CD48: variants seen among roughly 807,000 people sequenced by gnomAD.
CD48 encodes CD48 antigen.
CD48 carries 20 observed loss-of-function variants against 22.0 expected under a neutral mutation model. That is an observed-to-expected ratio of 0.91 (90% CI 0.64 to 1.32). The LOEUF (loss-of-function observed/expected upper bound fraction) is 1.32, where lower values mean the gene tolerates loss of function less well. Among genes scored for constraint, CD48 ranks in the 40% most tolerant of loss-of-function variants. The pLI is 0.00. For synonymous variants in CD48, 110 were observed against 110.1 expected (o/e 1.00, Z 0.01); for missense variants, 307 against 286.5 (o/e 1.07, Z -0.52).
chr1:160,704,830 A>G (rs9628658), intron 1 of CD48, among the ~76,000 whole-genome samples: 26,719 of 151,898 alleles, frequency 0.18, 2,794 homozygotes, highest in African/African-American at 0.28. Flanking sequence ...TATAAGCCTC[A>G]GGTCATTTTT....
Position 160,684,901 on chromosome 1 carries a change from T to C in CD48, c.371A>G (p.Lys124Arg), listed in dbSNP as rs768318800. 8 of 1,614,164 alleles carry C rather than the reference T, an allele frequency of 5.0e-6. No homozygotes were observed. Among genetic ancestry groups the C allele is most frequent in the Non-Finnish European group, 1.7e-6 (2 of 1,180,034 alleles). Residue 124 changes from lysine to arginine, a missense_variant, in exon 2 of 4, where the codon AAG (lysine) becomes AGG (arginine). Lys to Arg is a conservative substitution (Grantham distance 26). Transcript: ENST00000368046. ...CCCTGACTCACCAAGCACTTGCAGC[T>C]TGATCTTCCATTCTTGCTCATTCCC... ...KTGNEQEWKIKLQVLDPVPKP... is the reference protein window; with the variant it reads ...KTGNEQEWKIRLQVLDPVPKP...
At chr1:160,697,273 T>C (rs939687308) in intron 1 of CD48, among the ~76,000 whole-genome samples, 7 of 152,412 alleles carry the variant, frequency 4.6e-5, no homozygotes, top group Non-Finnish European at 8.8e-5. Flanking sequence ...CCACTAGACA[T>C]TTGAAGTTCT....
At chr1:160,687,513 T>A (rs1027207820) in intron 1 of CD48, among the ~76,000 whole-genome samples, 3 of 152,224 alleles carry the variant, frequency 2.0e-5, no homozygotes, top group African/African-American at 7.2e-5. Flanking sequence ...TAAGAAATTA[T>A]GAAAGTATTA....
chr1:160,703,087 AC>A (rs779213589), intron 1 of CD48, among the ~76,000 whole-genome samples: 14 of 152,264 alleles, frequency 9.2e-5, no homozygotes, highest in Admixed American at 2.6e-4. Context: ...TCAAAGTTTA[AC>A]TGGGCATAAG....
At chr1:160,681,171 G>GCC (rs112983858) in intron 3 of CD48, 31 bp downstream of exon 3, 4 of 1,613,976 alleles carry the variant, frequency 2.5e-6, no homozygotes, top group Non-Finnish European at 3.4e-6. Flanking sequence ...GTTACCCTGT[G>GCC]CCCCCCTCAG....
At chr1:160,701,464 T>C (rs1205374071) in intron 1 of CD48, among the ~76,000 whole-genome samples, 5 of 151,904 alleles carry the variant, frequency 3.3e-5, no homozygotes, top group Admixed American at 1.3e-4. Context: ...TAGGTTTCCA[T>C]TGTAAGGGAA....
intron 2 of CD48, among the ~76,000 whole-genome samples, chr1:160,681,794 C>T (rs17312859): frequency 0.018 from 2,707 of 152,290 alleles, 34 homozygotes; most frequent in South Asian, 0.044. Context: ...TGGGGTCAGA[C>T]TTAGTATATC....
At chr1:160,690,633 C>G (rs996127231) in intron 1 of CD48, among the ~76,000 whole-genome samples, 1 of 152,106 alleles carries the variant, frequency 6.6e-6, no homozygotes, top group Non-Finnish European at 1.5e-5. Context: ...GGTATGAGAC[C>G]TAATATGTGT....
In CD48 at chr1:160,685,102, GT is replaced by G; in HGVS notation, c.169del (p.Thr57ProfsTer11). 1 of 1,614,044 alleles carries G rather than the reference GT, an allele frequency of 6.2e-7. No individual in the cohort carries two copies. ...ESLPENYKQLTWFYTFDQKIV... is the reference protein window; with the variant it reads ...ESLPENYKQLXWFYTFDQKIV... The stretch of plus-strand genomic sequence containing the variant: ...CTTCTGGTCGAAAGTATAAAACCAG[GT>G]TAGTTGTTTGTAGTTCTCAGGCAGG... On this transcript the variant is annotated frameshift_variant, in exon 2 of 4. Coordinates refer to ENST00000368046, the MANE Select transcript of CD48 (RefSeq NM_001778.4). LOFTEE classifies it high-confidence loss of function.
chr1:160,689,190 C>T (rs1662103026), intron 1 of CD48, among the ~76,000 whole-genome samples: 1 of 152,128 alleles, frequency 6.6e-6, no homozygotes, highest in African/African-American at 2.4e-5. Context: ...CAACCAGGTG[C>T]ATGTCCGAGG....
In CD48 at chr1:160,691,639, C is replaced by T. The variant is rs541482030; in HGVS notation, c.83-6450G>A. The T allele has an allele frequency of 9.5e-5, 18 of 189,768 alleles. No individual in the cohort carries two copies. The South Asian group carries it at 1.8e-3, about 19-fold the overall frequency. The allele number at this position is 189,768 out of a possible 1,614,324, so 11.8% of individuals were successfully genotyped here. A position where few individuals can be genotyped will look rare whatever the true frequency, so the allele number is the denominator to read the frequency against. On this transcript the variant is annotated intron_variant, in intron 1 of 3. Coordinates refer to ENST00000368046, the MANE Select transcript of CD48 (RefSeq NM_001778.4). ...CTCCATATGCTGAACGTTGGTTCCC[C>T]GGGCCCCCTTATTTCTTTCTCTATA...
At chr1:160,707,523 A>G (rs977822296) in intron 1 of CD48, among the ~76,000 whole-genome samples, 2 of 152,150 alleles carry the variant, frequency 1.3e-5, no homozygotes, top group Non-Finnish European at 2.9e-5. Flanking sequence ...GAAGGAGGAA[A>G]GACAGCTGGT....
intron 2 of CD48, chr1:160,684,580 G>T: frequency 4.3e-6 from 3 of 705,026 alleles, no homozygotes; most frequent in Non-Finnish European, 6.8e-6. Flanking sequence ...AAGATGAGCT[G>T]AGCTGATTTA....
At chr1:160,693,908 AC>A (rs1204212291) in intron 1 of CD48, among the ~76,000 whole-genome samples, 2 of 152,290 alleles carry the variant, frequency 1.3e-5, no homozygotes, top group Non-Finnish European at 2.9e-5. Context: ...GCCAGTTACC[AC>A]AGTACAACAA....
At chr1:160,702,128 A>T (rs1185702945) in intron 1 of CD48, among the ~76,000 whole-genome samples, 3 of 152,214 alleles carry the variant, frequency 2.0e-5, no homozygotes, top group African/African-American at 7.2e-5. Context: ...TAATGAGACC[A>T]GTATGAATGG....
chr1:160,697,933 G>A (rs1002713567), intron 1 of CD48, among the ~76,000 whole-genome samples: 1 of 152,064 alleles, frequency 6.6e-6, no homozygotes, highest in Non-Finnish European at 1.5e-5. Flanking sequence ...TCTACCTTTG[G>A]GAATGGGAAG....
At chr1:160,706,504 C>T (rs11584616) in intron 1 of CD48, among the ~76,000 whole-genome samples, 40,544 of 151,908 alleles carry the variant, frequency 0.27, 6,211 homozygotes, top group Non-Finnish European at 0.36. Flanking sequence ...AACTTCTTAC[C>T]GAGAAATAAA....
At position 160,681,392 on chromosome 1, in the gene CD48, A is replaced by G. The variant is rs754593730; in HGVS notation, c.462T>C (p.Cys154=). Residue 154 remains cysteine, a synonymous_variant, in exon 3 of 4, where the codon TGT becomes TGC. Transcript: ENST00000368046. The part of the protein sequence containing the change: ...MDDNCYLKLS[C]VIPGESVNYT... ...AGTTTACAGACTCGCCAGGTATCAC[A>G]CATGACAGTTTCAGATAACAGTTGT... The G allele has an allele frequency of 7.4e-6, 12 of 1,614,078 alleles. 1 individual carries two copies. In the South Asian group the frequency reaches 1.3e-4, roughly 18 times the overall value.
At chr1:160,697,323 C>T (rs1369991821) in intron 1 of CD48, among the ~76,000 whole-genome samples, 2 of 152,296 alleles carry the variant, frequency 1.3e-5, no homozygotes, top group African/African-American at 2.4e-5. Context: ...AGCGCCTCCA[C>T]GGAGATGGTA....
Sources: gnomAD v4.1 joint callset for allele counts (sites outside exome capture counted in the v4.1 genomes callset) on GRCh38, gnomAD v4.1.1 for gene constraint, MANE v1.5 for transcripts, NCBI Gene and HGNC (gene_info 2026-07-23, HGNC 2026-07-21) for gene names.